Variants in PTPRD observed in about 807,000 individuals in gnomAD.
PTPRD encodes protein tyrosine phosphatase receptor type D, also known as receptor-type tyrosine-protein phosphatase delta.
In PTPRD, 34 loss-of-function variants were observed where a neutral mutation model predicts 214.5. The ratio of observed to expected loss-of-function variants is 0.16; its 90% confidence interval spans 0.12 to 0.21. The LOEUF (loss-of-function observed/expected upper bound fraction) is 0.21, where lower values mean the gene tolerates loss of function less well. Among genes scored for constraint, PTPRD ranks in the 10% least tolerant of loss-of-function variants. The probability of loss-of-function intolerance (pLI) is 1.00; values close to 1 mark genes in which losing one functional copy is unlikely to be tolerated. For synonymous variants in PTPRD, 1,128 were observed against 845.7 expected, an observed-to-expected ratio of 1.33 and a Z score of -5.79; for missense variants, 2,545 against 2,398.7, an observed-to-expected ratio of 1.06 and a Z score of -1.27.
At chr9:9,204,029 T>C (rs2099943376) in intron 9 of PTPRD, among the ~76,000 whole-genome samples, 1 of 152,186 alleles carries the variant, frequency 6.6e-6, no homozygotes, top group African/African-American at 2.4e-5. Context: ...CTGAGAATTT[T>C]GCCCTGAGTG....
At chr9:10,328,885 G>A (rs918972878) in intron 3 of PTPRD, among the ~76,000 whole-genome samples, 11 of 151,694 alleles carry the variant, frequency 7.3e-5, no homozygotes, top group Admixed American at 6.6e-5. Context: ...TCTCTGACTA[G>A]CCCAGTTCTT....
Position 9,838,113 on chromosome 9 carries a change from G to T in PTPRD, c.-367-71262C>A, listed in dbSNP as rs2057330128. On this transcript the variant is annotated intron_variant, in intron 5 of 45. Coordinates refer to ENST00000381196, the MANE Select transcript of PTPRD (RefSeq NM_002839.4). ...GGACATGAACTCATCATTTTTTATG[G>T]CCGCCTAGTATTCCATGGTGTATTT... Among the ~76,000 whole-genome samples the T allele has an allele frequency of 3.3e-5, 5 of 152,152 alleles. 1 individual carries two copies. In the South Asian group the frequency reaches 6.2e-4, roughly 19 times the overall value.
At chr9:9,618,879 T>C (rs2095062796) in intron 7 of PTPRD, among the ~76,000 whole-genome samples, 1 of 151,720 alleles carries the variant, frequency 6.6e-6, no homozygotes, top group African/African-American at 2.4e-5. Flanking sequence ...CCCTGGAAAA[T>C]ACTGCCACTT....
intron 5 of PTPRD, among the ~76,000 whole-genome samples, chr9:9,776,704 T>A (rs192702121): frequency 3.3e-5 from 5 of 152,354 alleles, no homozygotes; most frequent in African/African-American, 1.2e-4. Flanking sequence ...TAGTGACTTT[T>A]ACTAAACTTT....
At chr9:10,088,378 C>T (rs2098383297) in intron 3 of PTPRD, among the ~76,000 whole-genome samples, 1 of 151,688 alleles carries the variant, frequency 6.6e-6, no homozygotes, top group Non-Finnish European at 1.5e-5. Flanking sequence ...ATAAGACTTT[C>T]ATGTCTATGG....
At chr9:9,794,047 T>C (rs1166769317) in intron 5 of PTPRD, among the ~76,000 whole-genome samples, 1 of 151,944 alleles carries the variant, frequency 6.6e-6, no homozygotes, top group East Asian at 1.9e-4. Context: ...TTAAGCTAGG[T>C]TAAAAAATAC....
At chr9:9,622,248 C>T (rs749687804) in intron 7 of PTPRD, among the ~76,000 whole-genome samples, 1 of 152,130 alleles carries the variant, frequency 6.6e-6, no homozygotes, top group African/African-American at 2.4e-5. Context: ...AGGGTGCTGA[C>T]TGTCAAGATA....
chr9:8,480,398 C>T (rs968603096), intron 30 of PTPRD, among the ~76,000 whole-genome samples: 2 of 152,142 alleles, frequency 1.3e-5, no homozygotes, highest in African/African-American at 4.8e-5. Flanking sequence ...GCCTCGTCTA[C>T]AGCCTCCCTT....
intron 21 of PTPRD, among the ~76,000 whole-genome samples, chr9:8,510,682 G>A (rs1049425467): frequency 2.0e-5 from 3 of 152,092 alleles, no homozygotes; most frequent in African/African-American, 7.2e-5. Flanking sequence ...GCTCATCAAT[G>A]GCTTAAGAGT....
intron 9 of PTPRD, among the ~76,000 whole-genome samples, chr9:9,187,772 A>G (rs1260284721): frequency 1.3e-5 from 2 of 150,472 alleles, no homozygotes; most frequent in Non-Finnish European, 3.0e-5. Context: ...TGACTAAAGA[A>G]TAAGAGGATT....
At chr9:9,681,739 G>C (rs1045374836) in intron 7 of PTPRD, among the ~76,000 whole-genome samples, 4 of 151,710 alleles carry the variant, frequency 2.6e-5, no homozygotes, top group Non-Finnish European at 4.4e-5. Flanking sequence ...AAAATTGAAT[G>C]TTGAGACTAG....
At chr9:8,906,724 T>C (rs2098710403) in intron 11 of PTPRD, among the ~76,000 whole-genome samples, 2 of 152,000 alleles carry the variant, frequency 1.3e-5, no homozygotes, top group Non-Finnish European at 2.9e-5. Context: ...GACAATTCTA[T>C]TATGTTGGGG....
chr9:10,053,581 C>T (rs2097571410), intron 3 of PTPRD, among the ~76,000 whole-genome samples: 2 of 152,092 alleles, frequency 1.3e-5, no homozygotes, highest in Admixed American at 1.3e-4. Context: ...ACAATGACCT[C>T]ATAAATGAAC....
In PTPRD at chr9:10,081,698, G is replaced by A. The variant is rs143911474; in HGVS notation, c.-544-47908C>T. 4.1e-3 allele frequency among the ~76,000 whole-genome samples: 622 copies of A among 152,186 alleles called. 5 individuals are homozygous for A. Among genetic ancestry groups the A allele is most frequent in the African/African-American group, 0.014 (584 of 41,556 alleles). On this transcript the variant is annotated intron_variant, in intron 3 of 45. Transcript: ENST00000381196. ...GCTTTGTGATAGCACCCCAAGCAAT[G>A]GGTAAAGTAAGACAGGGGTGTTATT... is the stretch of plus-strand genomic sequence containing the variant.
chr9:10,174,581 A>G (rs906494184), intron 3 of PTPRD, among the ~76,000 whole-genome samples: 5 of 151,302 alleles, frequency 3.3e-5, no homozygotes, highest in African/African-American at 1.2e-4. Context: ...TACATCAACG[A>G]AAGATTTTTT....
intron 9 of PTPRD, among the ~76,000 whole-genome samples, chr9:9,289,215 C>T (rs1348531963): frequency 2.0e-5 from 3 of 151,728 alleles, no homozygotes; most frequent in African/African-American, 7.3e-5. Flanking sequence ...CACCATCCTT[C>T]AAAAATTTAT....
chr9:9,795,308 C>G (rs1282053117), intron 5 of PTPRD, among the ~76,000 whole-genome samples: 1 of 152,044 alleles, frequency 6.6e-6, no homozygotes, highest in Non-Finnish European at 1.5e-5. Context: ...CTAACTATCC[C>G]ATTGTAGGGA....
intron 11 of PTPRD, among the ~76,000 whole-genome samples, chr9:8,755,203 C>T (rs1397166622): frequency 2.0e-5 from 3 of 148,614 alleles, no homozygotes; most frequent in African/African-American, 7.6e-5. Context: ...TCAACAATAA[C>T]TTAGATGTTA....
At chr9:10,605,425 T>A (rs1414966562) in intron 2 of PTPRD, among the ~76,000 whole-genome samples, 2 of 151,912 alleles carry the variant, frequency 1.3e-5, no homozygotes, top group Non-Finnish European at 2.9e-5. Flanking sequence ...TAGTACGGCG[T>A]ATTTTTATCA....
Sources: gnomAD v4.1 joint callset for allele counts (sites outside exome capture counted in the v4.1 genomes callset) on GRCh38, gnomAD v4.1.1 for gene constraint, MANE v1.5 for transcripts, NCBI Gene and HGNC (gene_info 2026-07-23, HGNC 2026-07-21) for gene names.